Variants in HSF1 observed in about 807,000 individuals in gnomAD.
HSF1 encodes heat shock factor protein 1.
A neutral mutation model predicts 51.7 loss-of-function variants in HSF1; 32 were observed. The ratio of observed to expected loss-of-function variants is 0.62; its 90% CI spans 0.47 to 0.83. HSF1 has a LOEUF of 0.83. Among genes scored for constraint, HSF1 ranks in the 40% least tolerant of loss-of-function variants. The pLI, the probability that HSF1 is intolerant of heterozygous loss-of-function variation, is 0.00. For missense variants in HSF1, 727 were observed against 717.0 expected, an observed-to-expected ratio of 1.01 and a Z score of -0.16; for synonymous variants, 396 against 309.7, an observed-to-expected ratio of 1.28 and a Z score of -2.92.
intron 1 of HSF1, among the ~76,000 whole-genome samples, chr8:144,295,150 G>C (rs1815371770): frequency 6.6e-6 from 1 of 152,216 alleles, no homozygotes; most frequent in Non-Finnish European, 1.5e-5. Context: ...CAGCTCCTCT[G>C]TCCACCAGCA....
Position 144,291,927 on chromosome 8 carries a change from C to T in HSF1, c.117+53C>T, listed in dbSNP as rs1815114506. On this transcript the variant is annotated intron_variant, in intron 1 of 12. Coordinates refer to ENST00000528838, the MANE Select transcript of HSF1 (RefSeq NM_005526.4). The surrounding 1 kb of genome is among the most constrained non-coding windows in gnomAD (Gnocchi z 4.1). ...CGTGGGGACCGGGAGGGAGCAGGGC[C>T]GCGGCGGACGGCGCGGGAGGGCTGC... The T allele has an allele frequency of 2.0e-6, 2 of 1,016,354 alleles. No individual in the cohort carries two copies. The highest frequency in any genetic ancestry group is 4.2e-5 in the Admixed American group (1 of 24,082). The allele number at this position is 1,016,354 out of a possible 1,614,324, so 63.0% of individuals were successfully genotyped here.
At position 144,311,820 on chromosome 8, in the gene HSF1, G is replaced by A. The variant is rs373149915; in HGVS notation, c.844G>A (p.Gly282Arg). ...APASPMASPG[G>R]SIDERPLSSS... ...TGCCAGCCCCATGGCCTCCCCCGGC[G>A]GGAGCATAGACGAGAGGTGGGGGCC... The change falls in exon 8 of 13, where the codon GGG (glycine) becomes AGG (arginine). Residue 282 changes from glycine to arginine, a missense_variant. Transcript: ENST00000528838. 64 of 1,609,604 alleles carry A rather than the reference G, an allele frequency of 4.0e-5. No homozygotes were observed. The highest frequency in any genetic ancestry group is 7.7e-5 in the South Asian group (7 of 90,594).
chr8:144,300,213 T>C (rs1815765500), intron 1 of HSF1, among the ~76,000 whole-genome samples: 1 of 35,580 alleles, frequency 2.8e-5, no homozygotes, highest in Non-Finnish European at 5.1e-5. Flanking sequence ...TTGTGTACTC[T>C]TTTTTTTTTT....
chr8:144,314,302 C>T lies in HSF1; in HGVS notation c.1562C>T (p.Pro521Leu), dbSNP rs1554846227. Reference sequence around the variant, plus strand: ...TCCCTGCTGACAGGCTCGGAGCCTCCCAAAGCCAAGGACCCCACTGTCTCC... The same window carrying T: ...TCCCTGCTGACAGGCTCGGAGCCTCTCAAAGCCAAGGACCCCACTGTCTCC... ...TISLLTGSEPPKAKDPTVS is the reference protein window; with the variant it reads ...TISLLTGSEPLKAKDPTVS The change falls in exon 13 of 13, where the codon CCC becomes CTC. Residue 521 changes from proline (P) to leucine (L), a missense_variant. By Grantham distance (98) the Pro-to-Leu change is moderately conservative (BLOSUM62 -3). This residue lies in a region of HSF1 where 470 missense variants were observed against 398.8 expected (regional missense o/e 1.18). Transcript: ENST00000528838. 1.3e-6 allele frequency: 2 copies of T among 1,550,582 alleles called. No homozygotes were observed. The highest frequency in any genetic ancestry group is 2.4e-5 in the East Asian group (1 of 40,954).
At chr8:144,296,752 A>G (rs1815489648) in intron 1 of HSF1, among the ~76,000 whole-genome samples, 1 of 150,708 alleles carries the variant, frequency 6.6e-6, no homozygotes, top group African/African-American at 2.5e-5. Context: ...GCTTGCAGTG[A>G]GCTGAGATCG....
At position 144,311,812 on chromosome 8, in the gene HSF1, C is replaced by T. The variant is rs1331043562; in HGVS notation, c.836C>T (p.Ser279Phe). 6.2e-7 allele frequency: 1 copy of T among 1,610,722 alleles called. No individual in the cohort carries two copies. The highest frequency in any genetic ancestry group is 8.5e-7 in the Non-Finnish European group (1 of 1,178,884). ...CTGGCTCCTGCCAGCCCCATGGCCT[C>T]CCCCGGCGGGAGCATAGACGAGAGG... ...TELAPASPMA[S>F]PGGSIDERPL... The change falls in exon 8 of 13, where the codon TCC becomes TTC. Residue 279 changes from serine to phenylalanine, a missense_variant. Ser to Phe is a radical substitution (Grantham distance 155, BLOSUM62 -2). Transcript: ENST00000528838.
Position 144,311,688 on chromosome 8 carries a change from C to G in HSF1, c.724-12C>G. 2 of 1,609,376 alleles carry G rather than the reference C, an allele frequency of 1.2e-6. No individual in the cohort carries two copies. The highest frequency in any genetic ancestry group is 2.2e-5 in the South Asian group (2 of 90,528). Reference sequence around the variant, plus strand: ...TGCCGGCACTGCATGGACCTCCTGCCTTTGATTGCAGGCCCCCTCCCCAGC... The same window carrying G: ...TGCCGGCACTGCATGGACCTCCTGCGTTTGATTGCAGGCCCCCTCCCCAGC... On this transcript the variant is annotated splice_polypyrimidine_tract_variant and intron_variant, in intron 7 of 12. Coordinates refer to ENST00000528838, the MANE Select transcript of HSF1 (RefSeq NM_005526.4).
In HSF1 at chr8:144,311,100, G is replaced by A. The variant is rs2130438745; in HGVS notation, c.489-74G>A. ...CCCCTGCTCCTGCATGGGGGACAGG[G>A]AGGGTCTGTGGGGCTCCCTCAGCCC... On this transcript the variant is annotated intron_variant, in intron 4 of 12. Transcript: ENST00000528838. 1.7e-5 allele frequency: 24 copies of A among 1,379,790 alleles called. No homozygotes were observed. The South Asian group carries it at 3.0e-4, about 17-fold the overall frequency. The allele number at this position is 1,379,790 out of a possible 1,614,324, so 85.5% of individuals were successfully genotyped here. A position where few individuals can be genotyped will look rare whatever the true frequency, so the allele number is the denominator to read the frequency against.
At chr8:144,295,305 C>T (rs962150363) in intron 1 of HSF1, among the ~76,000 whole-genome samples, 31 of 152,232 alleles carry the variant, frequency 2.0e-4, no homozygotes, top group Non-Finnish European at 4.0e-4. Flanking sequence ...TTTTTACAAG[C>T]TATGATTTTG....
At chr8:144,296,447 G>T (rs1365016196) in intron 1 of HSF1, among the ~76,000 whole-genome samples, 1 of 152,336 alleles carries the variant, frequency 6.6e-6, no homozygotes, top group East Asian at 1.9e-4. Context: ...GTGCTGCAGG[G>T]TCTGGAGGGC....
intron 1 of HSF1, among the ~76,000 whole-genome samples, chr8:144,298,919 G>A (rs1023207299): frequency 2.0e-5 from 3 of 152,342 alleles, no homozygotes; most frequent in Middle Eastern, 3.4e-3. Flanking sequence ...AGTGTAAGGG[G>A]ACAGATGAGC....
Position 144,314,541 on chromosome 8 carries a change from TTTGG to T in HSF1, c.*216_*219del, listed in dbSNP as rs1817098103. ...CTTCCCCCAACCCCGTGTCCTGTGGTTTGGTTGGGGCTTCACAGCCACACCTGGA... is the reference window on the plus strand; with the variant it reads ...CTTCCCCCAACCCCGTGTCCTGTGGTTTGGGGCTTCACAGCCACACCTGGA... On this transcript the variant is annotated 3_prime_UTR_variant, in exon 13 of 13. Transcript: ENST00000528838. 1.7e-6 allele frequency: 1 copy of T among 593,774 alleles called. No individual in the cohort carries two copies. The highest frequency in any genetic ancestry group is 2.8e-5 in the East Asian group (1 of 35,948). The allele number at this position is 593,774 out of a possible 1,614,324, so 36.8% of individuals were successfully genotyped here.
In HSF1 at chr8:144,291,941, CG is replaced by C; in HGVS notation, c.117+70del. The C allele has an allele frequency of 1.2e-6, 1 of 847,442 alleles. No individual in the cohort carries two copies. The highest frequency in any genetic ancestry group is 1.6e-6 in the Non-Finnish European group (1 of 606,966). 52.5% of individuals were successfully genotyped at this position (847,442 alleles called of 1,614,324 possible). A position where few individuals can be genotyped will look rare whatever the true frequency, so the allele number is the denominator to read the frequency against. On this transcript the variant is annotated intron_variant, in intron 1 of 12. Transcript: ENST00000528838. This position sits in a 1 kb window ranked among gnomAD's most constrained non-coding sequence, Gnocchi z 4.1. ...GGGAGCAGGGCCGCGGCGGACGGCG[CG>C]GGAGGGCTGCGGGGAGGGGCCCTGC...
In HSF1 at chr8:144,292,806, CA is replaced by C. The variant is rs565194201; in HGVS notation, c.117+938del. On this transcript the variant is annotated intron_variant, in intron 1 of 12. Transcript: ENST00000528838. Reference sequence around the variant, plus strand: ...CAAAACCCCAGCTCTACTAAAAATACAAAAAATTTGCCGGGCGTGGTGGTGC... The same window carrying C: ...CAAAACCCCAGCTCTACTAAAAATACAAAAATTTGCCGGGCGTGGTGGTGC... Among the ~76,000 whole-genome samples the C allele has an allele frequency of 2.2e-3, 337 of 152,258 alleles. 1 individual carries two copies. Among genetic ancestry groups the C allele is most frequent in the African/African-American group, 7.8e-3 (325 of 41,550 alleles).
intron 1 of HSF1, among the ~76,000 whole-genome samples, chr8:144,301,818 T>C (rs1350784155): frequency 4.9e-5 from 7 of 143,380 alleles, no homozygotes; most frequent in South Asian, 2.2e-4. Context: ...TGAGCCGAGA[T>C]CGCACCACTG....
rs543515514 is a variant in HSF1, at chr8:144,291,672, C to T, written c.-86C>T. On this transcript the variant is annotated 5_prime_UTR_variant, in exon 1 of 13. Coordinates refer to ENST00000528838, the MANE Select transcript of HSF1 (RefSeq NM_005526.4). The surrounding 1 kb of genome is among the most constrained non-coding windows in gnomAD (Gnocchi z 4.1). ...GTGCGCAGCGGGCGGCGGCGCGGCC[C>T]GGAAGGCTGGCGCGGCGACGGCGTT... is the stretch of plus-strand genomic sequence containing the variant. The T allele has an allele frequency of 3.4e-5, 26 of 770,360 alleles. No individual in the cohort carries two copies. In the Admixed American group the frequency reaches 3.7e-4, roughly 11 times the overall value. 47.7% of individuals were successfully genotyped at this position (770,360 alleles called of 1,614,324 possible). A position where few individuals can be genotyped will look rare whatever the true frequency, so the allele number is the denominator to read the frequency against.
At chr8:144,301,312 G>C (rs34345429) in intron 1 of HSF1, among the ~76,000 whole-genome samples, 2 of 151,682 alleles carry the variant, frequency 1.3e-5, no homozygotes, top group Non-Finnish European at 2.9e-5. Context: ...CCAACTACTC[G>C]GGAGGCTGAG....
intron 1 of HSF1, among the ~76,000 whole-genome samples, chr8:144,295,989 G>C (rs1554841223): frequency 4.6e-5 from 7 of 152,174 alleles, no homozygotes; most frequent in African/African-American, 1.7e-4. Context: ...CAGCTGGAAA[G>C]ACTCTAGAAG....
intron 1 of HSF1, chr8:144,293,445 CTT>C (rs782156166): frequency 1.9e-4 from 26 of 139,758 alleles, no homozygotes; most frequent in Admixed American, 1.4e-4. Context: ...TTTCTTTTTT[CTT>C]TTTTTTTTTT....
Sources: gnomAD v4.1 joint callset for allele counts (sites outside exome capture counted in the v4.1 genomes callset) on GRCh38, gnomAD v4.1.1 for gene constraint, gnomAD v4.1.1 regional missense constraint, Gnocchi (gnomAD v3.1) non-coding constraint, MANE v1.5 for transcripts, NCBI Gene and HGNC (gene_info 2026-07-23, HGNC 2026-07-21) for gene names.